Variants in STAT6 observed in about 807,000 individuals in gnomAD.
STAT6 encodes the protein signal transducer and activator of transcription 6, also known as STAT, interleukin4-induced.
Under a neutral mutation model 106.3 loss-of-function variants are expected in STAT6, and 45 were observed. The ratio of observed to expected loss-of-function variants is 0.42; its 90% CI spans 0.33 to 0.54. The LOEUF (loss-of-function observed/expected upper bound fraction) is 0.54. STAT6 is among the 20% of genes least tolerant of loss of function. The pLI, the probability that STAT6 is intolerant of heterozygous loss-of-function variation, is 0.06. For synonymous variants in STAT6, 413 were observed against 413.6 expected, an observed-to-expected ratio of 1.00 and a Z score of 0.02; for missense variants, 797 against 1,062.2, an observed-to-expected ratio of 0.75 and a Z score of 3.47.
rs1592539970 is a variant in STAT6, at chr12:57,096,427, A to G, written c.*145T>C. On this transcript the variant is annotated 3_prime_UTR_variant, in exon 22 of 22. Transcript: ENST00000300134. ...TCCACCCACTGTGCATTCTCCTGTTAGTCTTTTCCTCCTGACCCAGGAGTA... is the reference window on the plus strand; with the variant it reads ...TCCACCCACTGTGCATTCTCCTGTTGGTCTTTTCCTCCTGACCCAGGAGTA... 2.8e-6 allele frequency: 2 copies of G among 724,394 alleles called. No individual in the cohort carries two copies. Among genetic ancestry groups the G allele is most frequent in the Non-Finnish European group, 4.6e-6 (2 of 432,776 alleles). The allele number at this position is 724,394 out of a possible 1,614,324, so 44.9% of individuals were successfully genotyped here.
intron 4 of STAT6, 70 bp downstream of exon 4, chr12:57,107,161 C>G: frequency 6.7e-7 from 1 of 1,500,014 alleles, no homozygotes; most frequent in Non-Finnish European, 9.3e-7. Context: ...CAAATTCTTT[C>G]TAGTTTGTCA....
At chr12:57,098,387 G>T in intron 19 of STAT6, 118 bp downstream of exon 19, 1 of 1,035,984 alleles carries the variant, frequency 9.7e-7, no homozygotes, top group Non-Finnish European at 1.5e-6. Context: ...GTGGACAGAA[G>T]AGAAGAAGAC....
chr12:57,097,245 G>T, intron 19 of STAT6, 112 bp from the exon 20 acceptor site: 2 of 844,238 alleles, frequency 2.4e-6, no homozygotes, highest in Non-Finnish European at 3.4e-6. Flanking sequence ...TCCTGACTTA[G>T]TCATGGCCTG....
At chr12:57,108,434 A>C in intron 1 of STAT6, 135 bp from the exon 2 acceptor site, 3 of 593,104 alleles carry the variant, frequency 5.1e-6, no homozygotes, top group Non-Finnish European at 9.2e-6. Context: ...ACCACCTTAA[A>C]CCAGGGGCAT....
chr12:57,098,586 T>A lies in STAT6; in HGVS notation c.2078A>T (p.Tyr693Phe), dbSNP rs1592546055. The change falls in exon 19 of 22, where the codon TAC becomes TTC. Residue 693 changes from tyrosine to phenylalanine, a missense_variant. Physicochemically the swap from Tyr to Phe is conservative, Grantham distance 22. Around this residue, in one of 4 missense-constraint regions of STAT6, gnomAD observed 226 missense variants for 236.7 expected, o/e 0.95. Coordinates refer to ENST00000300134, the MANE Select transcript of STAT6 (RefSeq NM_003153.5). ...GGGGATGGAGTGAGAGTGTGGTGGGTACACCTGGGGCCTGGGGAAAGAAAA... is the reference window on the plus strand; with the variant it reads ...GGGGATGGAGTGAGAGTGTGGTGGGAACACCTGGGGCCTGGGGAAAGAAAA... ...QLGPDMVPQV[Y>F]PPHSHSIPPY... 1 of 1,613,770 alleles carries A rather than the reference T, an allele frequency of 6.2e-7. No individual in the cohort carries two copies. Among genetic ancestry groups the A allele is most frequent in the Non-Finnish European group, 8.5e-7 (1 of 1,179,898 alleles).
intron 7 of STAT6, 130 bp downstream of exon 7, chr12:57,106,061 T>G: frequency 6.8e-7 from 1 of 1,472,318 alleles, no homozygotes; most frequent in Non-Finnish European, 9.1e-7. Flanking sequence ...CCGCTGGAAC[T>G]GGCTTTTATG....
At chr12:57,111,022 T>TG (rs1214382135) in intron 1 of STAT6, 107 bp downstream of exon 1, 1 of 152,902 alleles carries the variant, frequency 6.5e-6, no homozygotes, top group Admixed American at 6.5e-5. Flanking sequence ...AACCATCTCT[T>TG]GGGGACCATC....
chr12:57,105,645 G>A (rs559464475), intron 7 of STAT6, 46 bp from the exon 8 acceptor site: 1 of 1,598,610 alleles, frequency 6.3e-7, no homozygotes, highest in African/African-American at 1.3e-5. Context: ...AAGGCTGCTT[G>A]CTCCGGCCCA....
At chr12:57,100,341 C>G (rs921587267) in intron 13 of STAT6, among the ~76,000 whole-genome samples, 2 of 152,144 alleles carry the variant, frequency 1.3e-5, no homozygotes, top group East Asian at 3.8e-4. Context: ...TTCCATCTTA[C>G]AGATGAAGAA....
In STAT6 at chr12:57,107,739, A is replaced by G. The variant is rs2034364842; in HGVS notation, c.121T>C (p.Phe41Leu). 1 of 1,613,920 alleles carries G rather than the reference A, an allele frequency of 6.2e-7. No individual in the cohort carries two copies. The highest frequency in any genetic ancestry group is 8.5e-7 in the Non-Finnish European group (1 of 1,179,998). ...GDWLESQPWE[F>L]LVGSDAFCCN... ...CAGAAGGCGTCGGAGCCGACCAGGA[A>G]CTCCCTGCAGGAAGATCAGGATGAG... The change falls in exon 3 of 22, where the codon TTC becomes CTC. Residue 41 changes from phenylalanine to leucine, a missense_variant. Phe to Leu is a conservative substitution (Grantham distance 22, BLOSUM62 0). Coordinates refer to ENST00000300134, the MANE Select transcript of STAT6 (RefSeq NM_003153.5).
intron 17 of STAT6, 43 bp downstream of exon 17, chr12:57,098,972 A>G: frequency 6.2e-7 from 1 of 1,613,776 alleles, no homozygotes; most frequent in Non-Finnish European, 8.5e-7. Flanking sequence ...GCAGATAAGC[A>G]CTAAGCCCCT....
At position 57,096,391 on chromosome 12, in the gene STAT6, A is replaced by T. The variant is rs567063480; in HGVS notation, c.*181T>A. 46 of 627,352 alleles carry T rather than the reference A, an allele frequency of 7.3e-5. No homozygotes were observed. The East Asian group carries it at 1.3e-3, about 18-fold the overall frequency. 38.9% of individuals were successfully genotyped at this position (627,352 alleles called of 1,614,324 possible). On this transcript the variant is annotated 3_prime_UTR_variant, in exon 22 of 22. Transcript: ENST00000300134. ...GGCAGGGGAATGATAGAAAGGAAGGAGTGGATTGGCTCCACCCACTGTGCA... is the reference window on the plus strand; with the variant it reads ...GGCAGGGGAATGATAGAAAGGAAGGTGTGGATTGGCTCCACCCACTGTGCA...
chr12:57,106,237 C>G lies in STAT6; in HGVS notation c.634G>C (p.Gly212Arg). 2 of 1,614,236 alleles carry G rather than the reference C, an allele frequency of 1.2e-6. No individual in the cohort carries two copies. The highest frequency in any genetic ancestry group is 1.1e-5 in the South Asian group (1 of 91,092). The change falls in exon 7 of 22, where the codon GGG (glycine) becomes CGG (arginine). Residue 212 changes from glycine (G) to arginine (R), a missense_variant. This residue lies in a region of STAT6 where 336 missense variants were observed against 429.8 expected (regional missense o/e 0.78). Coordinates refer to ENST00000300134, the MANE Select transcript of STAT6 (RefSeq NM_003153.5). ...CTCTCCTCAAACGGTGCGCCATTCC[C>G]TGCCAGCTGCTGCTGCCGTTTCCAA... ...QIWKRQQQLA[G>R]NGAPFEESLA...
At chr12:57,096,795 A>C in intron 21 of STAT6, 34 bp from the exon 22 acceptor site, 1 of 1,613,404 alleles carries the variant, frequency 6.2e-7, no homozygotes, top group Non-Finnish European at 8.5e-7. Flanking sequence ...TGGAGTAGGC[A>C]TGGCGCCCAC....
At chr12:57,104,390 T>C (rs2034140784) in intron 11 of STAT6, 74 bp downstream of exon 11, 1 of 1,547,710 alleles carries the variant, frequency 6.5e-7, no homozygotes, top group Middle Eastern at 2.3e-4. Flanking sequence ...GAGGTGAGGG[T>C]CCAGGGCCCT....
chr12:57,098,550 C>T lies in STAT6; in HGVS notation c.2114G>A (p.Gly705Asp). ...PHSHSIPPYQ[G>D]LSPEESVNVL... ...GTTGACTGATTCTTCTGGGGAGAGG[C>T]CTTGATACGGGGGGATGGAGTGAGA... Residue 705 changes from glycine (G) to aspartate (D), a missense_variant, in exon 19 of 22, where the codon GGC (glycine) becomes GAC (aspartate). Coordinates refer to ENST00000300134, the MANE Select transcript of STAT6 (RefSeq NM_003153.5). 1 of 1,614,128 alleles carries T rather than the reference C, an allele frequency of 6.2e-7. No homozygotes were observed. Among genetic ancestry groups the T allele is most frequent in the South Asian group, 1.1e-5 (1 of 91,086 alleles).
At position 57,105,193 on chromosome 12, in the gene STAT6, T is replaced by C; in HGVS notation, c.959A>G (p.Gln320Arg). The C allele has an allele frequency of 1.9e-6, 3 of 1,613,902 alleles. No homozygotes were observed. The highest frequency in any genetic ancestry group is 2.5e-6 in the Non-Finnish European group (3 of 1,179,900). ...CTGAGGCACACTCAGCTCCCGCGCC[T>C]GCTTCTCTGTCACCATGTCGGCCCT... ...LVRADMVTEK[Q>R]ARELSVPQGP... Residue 320 changes from glutamine to arginine, a missense_variant, in exon 9 of 22, where the codon CAG becomes CGG. Physicochemically the swap from Gln to Arg is conservative, Grantham distance 43. Coordinates refer to ENST00000300134, the MANE Select transcript of STAT6 (RefSeq NM_003153.5).
At chr12:57,097,676 C>A (rs1038874783) in intron 19 of STAT6, among the ~76,000 whole-genome samples, 1 of 152,162 alleles carries the variant, frequency 6.6e-6, no homozygotes, top group Non-Finnish European at 1.5e-5. Flanking sequence ...GTAATCCTAA[C>A]GCTTTGGGAG....
At position 57,097,053 on chromosome 12, in the gene STAT6, G is replaced by A; in HGVS notation, c.2225+15C>T. The A allele has an allele frequency of 1.3e-6, 2 of 1,570,282 alleles. No individual in the cohort carries two copies. Among genetic ancestry groups the A allele is most frequent in the Non-Finnish European group, 1.7e-6 (2 of 1,156,240 alleles). Reference sequence around the variant, plus strand: ...AGAAGAGGCACATGGGGTCAGGAGGGGCTTTGTCACTCACTGGGGGTGAGG... The same window carrying A: ...AGAAGAGGCACATGGGGTCAGGAGGAGCTTTGTCACTCACTGGGGGTGAGG... On this transcript the variant is annotated intron_variant, in intron 20 of 21. Coordinates refer to ENST00000300134, the MANE Select transcript of STAT6 (RefSeq NM_003153.5).
Sources: gnomAD v4.1 joint callset for allele counts (sites outside exome capture counted in the v4.1 genomes callset) on GRCh38, gnomAD v4.1.1 for gene constraint, gnomAD v4.1.1 regional missense constraint, MANE v1.5 for transcripts, NCBI Gene and HGNC (gene_info 2026-07-23, HGNC 2026-07-21) for gene names.